Variants in KCNN1 observed in about 807,000 individuals in gnomAD.
KCNN1 encodes small conductance calcium-activated potassium channel protein 1.
A neutral mutation model predicts 44.7 loss-of-function variants in KCNN1; 20 were observed. The ratio of observed to expected loss-of-function variants is 0.45; its 90% CI spans 0.32 to 0.65. The LOEUF (loss-of-function observed/expected upper bound fraction) is 0.65. Ranked by LOEUF, KCNN1 falls within the 30% of genes least tolerant of loss-of-function variation. The pLI is 0.05. For synonymous variants in KCNN1, 324 were observed against 341.7 expected (o/e 0.95, Z 0.57); for missense variants, 632 against 785.3 (o/e 0.80, Z 2.33).
rs759125182 is a variant in KCNN1, at chr19:17,974,023, A to G, written c.135A>G (p.Val45=). 15 of 1,604,420 alleles carry G rather than the reference A, an allele frequency of 9.3e-6. No homozygotes were observed. The South Asian group carries it at 1.6e-4, about 17-fold the overall frequency. Reference sequence around the variant, plus strand: ...CGCACAGCCCGGGCCTCCAGGTGGTAGTGGCCAAGAGTGAGCCAGCCCGGC... The same window carrying G: ...CGCACAGCCCGGGCCTCCAGGTGGTGGTGGCCAAGAGTGAGCCAGCCCGGC... ...QPPHSPGLQV[V]VAKSEPARPS... is the part of the protein sequence containing the mutation. The change falls in exon 2 of 10, where the codon GTA becomes GTG. Residue 45 remains valine (V), a synonymous_variant. Coordinates refer to ENST00000684775, the MANE Select transcript of KCNN1 (RefSeq NM_001386974.1). This position sits in a 1 kb window ranked among gnomAD's most constrained non-coding sequence, Gnocchi z 7.3.
intron 3 of KCNN1, among the ~76,000 whole-genome samples, chr19:17,976,496 G>A (rs528772137): frequency 2.7e-4 from 40 of 148,174 alleles, no homozygotes; most frequent in Non-Finnish European, 5.2e-4. Flanking sequence ...CCAGCTCACC[G>A]CAACCTACGC....
rs758491339 is a variant in KCNN1, at chr19:17,974,238, G to A, written c.350G>A (p.Gly117Asp). The change falls in exon 2 of 10, where the codon GGC (glycine) becomes GAC (aspartate). Residue 117 changes from glycine to aspartate, a missense_variant. By Grantham distance (94) the Gly-to-Asp change is moderately conservative (BLOSUM62 -1). Coordinates refer to ENST00000684775, the MANE Select transcript of KCNN1 (RefSeq NM_001386974.1). The surrounding 1 kb of genome is among the most constrained non-coding windows in gnomAD (Gnocchi z 7.3). ...TATGCCCTCATTTTCGGCATGTTTGGCATCGTCGTCATGGTGACGGAGACC... is the reference window on the plus strand; with the variant it reads ...TATGCCCTCATTTTCGGCATGTTTGACATCGTCGTCATGGTGACGGAGACC... Reference protein sequence around the residue: ...SDYALIFGMFGIVVMVTETEL... With the variant: ...SDYALIFGMFDIVVMVTETEL... 2 of 1,609,118 alleles carry A rather than the reference G, an allele frequency of 1.2e-6. No individual in the cohort carries two copies. The highest frequency in any genetic ancestry group is 1.7e-6 in the Non-Finnish European group (2 of 1,176,778).
chr19:17,985,581 C>A, intron 5 of KCNN1, 128 bp downstream of exon 5: 1 of 788,488 alleles, frequency 1.3e-6, no homozygotes, highest in South Asian at 2.6e-5. Context: ...AGCGTCCCTC[C>A]ATCTGTCAGT....
Position 17,985,347 on chromosome 19 carries a change from TG to T in KCNN1, c.958del (p.Ala320ProfsTer4). ...HDKQEVTSNF[L>X]GAMWLISITF... is the part of the protein sequence containing the mutation. Reference sequence around the variant, plus strand: ...AAGCAGGAAGTGACCAGCAACTTCCTGGGGGCCATGTGGCTGATTTCCATCA... The same window carrying T: ...AAGCAGGAAGTGACCAGCAACTTCCTGGGGCCATGTGGCTGATTTCCATCA... On this transcript the variant is annotated frameshift_variant, in exon 5 of 10. Coordinates refer to ENST00000684775, the MANE Select transcript of KCNN1 (RefSeq NM_001386974.1). LOFTEE classifies it high-confidence loss of function. 1 of 1,610,716 alleles carries T rather than the reference TG, an allele frequency of 6.2e-7. No individual in the cohort carries two copies. The highest frequency in any genetic ancestry group is 1.1e-5 in the South Asian group (1 of 90,620).
intron 7 of KCNN1, 85 bp from the exon 8 acceptor site, chr19:17,992,968 TG>T: frequency 6.5e-7 from 1 of 1,549,970 alleles, no homozygotes; most frequent in Non-Finnish European, 8.8e-7. Flanking sequence ...CCCCGGGAGG[TG>T]GGCAGGGTTG....
chr19:17,972,623 A>G (rs964839950), intron 1 of KCNN1, among the ~76,000 whole-genome samples: 1 of 152,106 alleles, frequency 6.6e-6, no homozygotes, highest in African/African-American at 2.4e-5. Context: ...CCTCCTGCCC[A>G]GGCAGGAGGG....
At chr19:17,969,194 C>T (rs2031924916) in intron 1 of KCNN1, among the ~76,000 whole-genome samples, 1 of 152,128 alleles carries the variant, frequency 6.6e-6, no homozygotes, top group Admixed American at 6.5e-5. Flanking sequence ...CTCATCAGTT[C>T]TGTGCTCCAA....
chr19:17,980,224 G>A (rs2032354436), intron 3 of KCNN1, among the ~76,000 whole-genome samples: 1 of 90,410 alleles, frequency 1.1e-5, no homozygotes, highest in Admixed American at 1.1e-4. Flanking sequence ...ACCACACCTA[G>A]CTAATTTTTT....
Position 17,999,971 on chromosome 19 carries a change from T to C in KCNN1, c.*1565T>C, listed in dbSNP as rs1031337675. The C allele has an allele frequency of 2.2e-6, 1 of 455,910 alleles. No homozygotes were observed. Among genetic ancestry groups the C allele is most frequent in the Non-Finnish European group, 4.4e-6 (1 of 226,748 alleles). The allele number at this position is 455,910 out of a possible 1,614,324, so 28.2% of individuals were successfully genotyped here. A position where few individuals can be genotyped will look rare whatever the true frequency, so the allele number is the denominator to read the frequency against. ...AGTGGCTGCCCCTCTGGGGCCTTGG[T>C]TGTTTCATCTGTAAAATGGGGTGAC... On this transcript the variant is annotated 3_prime_UTR_variant, in exon 10 of 10. Transcript: ENST00000684775.
At chr19:17,973,500 C>A (rs927226323) in intron 1 of KCNN1, among the ~76,000 whole-genome samples, 2 of 152,190 alleles carry the variant, frequency 1.3e-5, no homozygotes, top group Non-Finnish European at 2.9e-5. Flanking sequence ...AGGCCAGTTT[C>A]GAACTCCTGA....
Position 17,985,597 on chromosome 19 carries a change from C to A in KCNN1, c.1059+144C>A, listed in dbSNP as rs573463442. On this transcript the variant is annotated intron_variant, in intron 5 of 9. Coordinates refer to ENST00000684775, the MANE Select transcript of KCNN1 (RefSeq NM_001386974.1). ...GCGTCCCTCCATCTGTCAGTCCACC[C>A]CTCCCCTGCTCTGCTCTTTTCCTCT... 82 of 694,318 alleles carry A rather than the reference C, an allele frequency of 1.2e-4. No homozygotes were observed. The African/African-American group carries it at 1.3e-3, about 11-fold the overall frequency. 43.0% of individuals were successfully genotyped at this position (694,318 alleles called of 1,614,324 possible).
chr19:17,990,791 C>T (rs1259292670), intron 7 of KCNN1, among the ~76,000 whole-genome samples: 2 of 137,716 alleles, frequency 1.5e-5, no homozygotes, highest in Admixed American at 7.5e-5. Flanking sequence ...CAGAGTGAGA[C>T]TCTGTCTCAA....
At chr19:17,975,310 A>G (rs2032170826) in intron 3 of KCNN1, 123 bp downstream of exon 3, 8 of 642,946 alleles carry the variant, frequency 1.2e-5, no homozygotes, top group Middle Eastern at 2.5e-4. Flanking sequence ...TCTGATAGAA[A>G]AAAGATCTCC....
Position 17,974,388 on chromosome 19 carries a change from T to C in KCNN1, c.402+98T>C, listed in dbSNP as rs1036586472. 3.3e-5 allele frequency: 44 copies of C among 1,313,972 alleles called. No homozygotes were observed. The African/African-American group carries it at 6.1e-4, about 18-fold the overall frequency. The allele number at this position is 1,313,972 out of a possible 1,614,324, so 81.4% of individuals were successfully genotyped here. A position where few individuals can be genotyped will look rare whatever the true frequency, so the allele number is the denominator to read the frequency against. ...GGGGGTGGCAGGGCCCCCCGGGAGATAGGGAGTGTTAGGGGGCTCCCGGAG... is the reference window on the plus strand; with the variant it reads ...GGGGGTGGCAGGGCCCCCCGGGAGACAGGGAGTGTTAGGGGGCTCCCGGAG... On this transcript the variant is annotated intron_variant, in intron 2 of 9. Transcript: ENST00000684775. The surrounding 1 kb of genome is among the most constrained non-coding windows in gnomAD (Gnocchi z 7.3).
At position 17,992,126 on chromosome 19, in the gene KCNN1, G is replaced by A. The variant is rs80217570; in HGVS notation, c.1299-928G>A. 3.5e-4 allele frequency among the ~76,000 whole-genome samples: 53 copies of A among 152,282 alleles called. No homozygotes were observed. In the East Asian group the frequency reaches 9.5e-3, roughly 27 times the overall value. ...ATTTGAGGTCAGGAGTTCAAGACCA[G>A]CCTGACCAACATGGTGAAACCCCAT... On this transcript the variant is annotated intron_variant, in intron 7 of 9. Coordinates refer to ENST00000684775, the MANE Select transcript of KCNN1 (RefSeq NM_001386974.1).
At chr19:17,964,882 G>A (rs915113242), upstream of KCNN1, among the ~76,000 whole-genome samples, 2 of 152,176 alleles carry the variant, frequency 1.3e-5, no homozygotes, top group African/African-American at 4.8e-5. The surrounding 1 kb of genome is among the most constrained non-coding windows in gnomAD (Gnocchi z 4.3). Flanking sequence ...GGGTACAGGG[G>A]CTTCAGGGCG....
chr19:17,979,900 A>C (rs959394363), intron 3 of KCNN1, among the ~76,000 whole-genome samples: 1 of 152,102 alleles, frequency 6.6e-6, no homozygotes, highest in Admixed American at 6.6e-5. Context: ...ACACACGTTC[A>C]GAAGGAAGAG....
At chr19:17,955,914 A>AGTTTT (rs962258036) in intron 2 of KCNN1, among the ~76,000 whole-genome samples, 8 of 144,850 alleles carry the variant, frequency 5.5e-5, no homozygotes, top group Non-Finnish European at 1.1e-4. Context: ...TTTTTTTTTT[A>AGTTTT]GTTTTGTTTT....
intron 3 of KCNN1, among the ~76,000 whole-genome samples, chr19:17,979,121 T>C (rs1454849438): frequency 8.4e-6 from 1 of 119,412 alleles, no homozygotes; most frequent in Non-Finnish European, 1.7e-5. Context: ...GACAGTAACA[T>C]AGCAAGACCC....
Sources: gnomAD v4.1 joint callset for allele counts (sites outside exome capture counted in the v4.1 genomes callset) on GRCh38, gnomAD v4.1.1 for gene constraint, Gnocchi (gnomAD v3.1) non-coding constraint, MANE v1.5 for transcripts, NCBI Gene and HGNC (gene_info 2026-07-23, HGNC 2026-07-21) for gene names.